B3GALT1: variants seen among roughly 807,000 people sequenced by gnomAD.
B3GALT1 encodes beta-1,3-galactosyltransferase 1, also known as UDP-Gal:betaGlcNAc beta 1,3-galactosyltransferase, polypeptide 1.
In B3GALT1, 10 loss-of-function variants were observed where a neutral mutation model predicts 23.2. That is an observed-to-expected ratio of 0.43 (90% CI 0.27 to 0.73). The LOEUF is 0.73. Ranked by LOEUF, B3GALT1 falls within the 30% of genes least tolerant of loss-of-function variation. The pLI, the probability that B3GALT1 is intolerant of heterozygous loss-of-function variation, is 0.21. For missense variants in B3GALT1, 299 were observed against 405.4 expected (o/e 0.74, Z 2.25); for synonymous variants, 156 against 141.5 (o/e 1.10, Z -0.73).
intron 3 of B3GALT1, among the ~76,000 whole-genome samples, chr2:167,774,485 G>GTTT (rs767692581): frequency 0.011 from 1,113 of 104,826 alleles, 47 homozygotes; most frequent in Middle Eastern, 0.019. Flanking sequence ...TTTTTTTTTT[G>GTTT]TTTTTTTTTT....
chr2:167,842,778 G>A lies in B3GALT1; in HGVS notation c.-230+23985G>A, dbSNP rs143800314. 7.4e-3 allele frequency among the ~76,000 whole-genome samples: 1,133 copies of A among 152,166 alleles called. 12 individuals are homozygous for A. The highest frequency in any genetic ancestry group is 0.026 in the African/African-American group (1,088 of 41,480). On this transcript the variant is annotated intron_variant, in intron 4 of 4. Coordinates refer to ENST00000392690, the MANE Select transcript of B3GALT1 (RefSeq NM_020981.4). ...AGTCCCAACTGCTTGGAAGGCTGAG[G>A]CGGGAGGATTACTTGAGCCCAAGAG...
intron 1 of B3GALT1, among the ~76,000 whole-genome samples, chr2:167,415,435 T>C (rs1265681440): frequency 6.6e-6 from 1 of 152,198 alleles, no homozygotes; most frequent in Non-Finnish European, 1.5e-5. Flanking sequence ...ATTCATAAAT[T>C]ACCCAGTTTC....
intron 1 of B3GALT1, among the ~76,000 whole-genome samples, chr2:167,321,571 C>A (rs1049852232): frequency 6.6e-6 from 1 of 151,964 alleles, no homozygotes; most frequent in African/African-American, 2.4e-5. Flanking sequence ...TAATGAGACA[C>A]CTGCATTCCC....
intron 1 of B3GALT1, among the ~76,000 whole-genome samples, chr2:167,408,497 A>G (rs1315779582): frequency 2.6e-5 from 4 of 152,176 alleles, no homozygotes. Flanking sequence ...TATTGAACAT[A>G]CTACTGGAAC....
intron 3 of B3GALT1, among the ~76,000 whole-genome samples, chr2:167,802,976 T>C (rs527403896): frequency 5.9e-5 from 9 of 152,228 alleles, no homozygotes; most frequent in African/African-American, 1.7e-4. Context: ...CCTACACATG[T>C]GTTATTTAGG....
intron 1 of B3GALT1, among the ~76,000 whole-genome samples, chr2:167,394,892 T>C (rs1019829496): frequency 1.3e-5 from 2 of 152,200 alleles, no homozygotes; most frequent in Non-Finnish European, 2.9e-5. Flanking sequence ...TGAGAATGTC[T>C]GTATCTGTTA....
At chr2:167,772,575 A>G (rs1688090826) in intron 3 of B3GALT1, among the ~76,000 whole-genome samples, 1 of 152,202 alleles carries the variant, frequency 6.6e-6, no homozygotes, top group African/African-American at 2.4e-5. Context: ...AAATGCTCTA[A>G]AACATGCAGC....
intron 2 of B3GALT1, among the ~76,000 whole-genome samples, chr2:167,602,905 C>T (rs1037782074): frequency 1.3e-5 from 2 of 152,136 alleles, no homozygotes; most frequent in Non-Finnish European, 2.9e-5. Flanking sequence ...AGATCAGCAG[C>T]ACCCCTTGTA....
intron 2 of B3GALT1, among the ~76,000 whole-genome samples, chr2:167,601,499 T>A (rs1445543081): frequency 6.6e-6 from 1 of 152,242 alleles, no homozygotes; most frequent in African/African-American, 2.4e-5. Flanking sequence ...AACGCTCTAA[T>A]ATCTCCATTA....
At chr2:167,464,102 G>A (rs1699307558) in intron 1 of B3GALT1, among the ~76,000 whole-genome samples, 1 of 151,234 alleles carries the variant, frequency 6.6e-6, no homozygotes, top group African/African-American at 2.4e-5. Flanking sequence ...TTCTGAAGCA[G>A]TTAATTTAAA....
At chr2:167,542,798 C>CTTTT (rs572650522) in intron 2 of B3GALT1, among the ~76,000 whole-genome samples, 6 of 140,860 alleles carry the variant, frequency 4.3e-5, no homozygotes, top group African/African-American at 1.3e-4. Context: ...TGTATTAAAG[C>CTTTT]TTTTTTTTTT....
intron 1 of B3GALT1, among the ~76,000 whole-genome samples, chr2:167,339,129 G>A (rs571435018): frequency 6.6e-6 from 1 of 152,238 alleles, no homozygotes; most frequent in East Asian, 1.9e-4. Context: ...GTAATTCTTA[G>A]ACATGTGGAA....
At chr2:167,587,324 C>G (rs1250050231) in intron 2 of B3GALT1, among the ~76,000 whole-genome samples, 1 of 152,146 alleles carries the variant, frequency 6.6e-6, no homozygotes, top group Non-Finnish European at 1.5e-5. Context: ...TTAGCCAATA[C>G]TTATTTGTCA....
chr2:167,716,139 G>C lies in B3GALT1; in HGVS notation c.-352+69173G>C. On this transcript the variant is annotated intron_variant, in intron 3 of 4. Transcript: ENST00000392690. Reference sequence around the variant, plus strand: ...AGCGGTGGAGAACACGCAGCCTTGGGTCTGGAACCCGAATCCGCACGCGGC... The same window carrying C: ...AGCGGTGGAGAACACGCAGCCTTGGCTCTGGAACCCGAATCCGCACGCGGC... 2.1e-6 allele frequency: 3 copies of C among 1,407,960 alleles called. No homozygotes were observed. The South Asian group carries it at 3.8e-5, about 18-fold the overall frequency. The allele number at this position is 1,407,960 out of a possible 1,614,324, so 87.2% of individuals were successfully genotyped here. A position where few individuals can be genotyped will look rare whatever the true frequency, so the allele number is the denominator to read the frequency against.
In B3GALT1 at chr2:167,832,525, T is replaced by TAAA. The variant is rs911291849; in HGVS notation, c.-230+13735_-230+13737dup. ...ATCTCACTTTTAACCACCATATACT[T>TAAA]AAAAATACAAATTTCACTGAACAGT... is the stretch of plus-strand genomic sequence containing the variant. On this transcript the variant is annotated intron_variant, in intron 4 of 4. Transcript: ENST00000392690. Among the ~76,000 whole-genome samples the TAAA allele has an allele frequency of 3.9e-5, 6 of 152,242 alleles. No homozygotes were observed. In the South Asian group the frequency reaches 6.2e-4, roughly 16 times the overall value.
At chr2:167,503,995 G>C (rs1310592173) in intron 2 of B3GALT1, among the ~76,000 whole-genome samples, 1 of 152,066 alleles carries the variant, frequency 6.6e-6, no homozygotes, top group Admixed American at 6.6e-5. Flanking sequence ...TCAGTGCTGG[G>C]TTGGTAAAGG....
At chr2:167,465,257 C>T (rs1287964076) in intron 1 of B3GALT1, among the ~76,000 whole-genome samples, 2 of 151,802 alleles carry the variant, frequency 1.3e-5, no homozygotes, top group Non-Finnish European at 1.5e-5. Flanking sequence ...GTCTGTTGCC[C>T]ATGGTGGAAT....
At chr2:167,364,698 A>G (rs1574049957) in intron 1 of B3GALT1, among the ~76,000 whole-genome samples, 1 of 152,328 alleles carries the variant, frequency 6.6e-6, no homozygotes, top group Non-Finnish European at 1.5e-5. Flanking sequence ...ATAGTATTCC[A>G]TGGTGTATAT....
chr2:167,440,689 AT>A (rs1698868614), intron 1 of B3GALT1, among the ~76,000 whole-genome samples: 1 of 150,172 alleles, frequency 6.7e-6, no homozygotes, highest in South Asian at 2.1e-4. Flanking sequence ...TTCTTCAATT[AT>A]TTTTCCTCTC....
Sources: allele counts gnomAD v4.1 joint callset (sites outside exome capture counted in the v4.1 genomes callset), GRCh38; gene constraint gnomAD v4.1.1; transcripts MANE v1.5; gene names NCBI Gene and HGNC (gene_info 2026-07-23, HGNC 2026-07-21).